PTPRD: variants seen among roughly 807,000 people sequenced by gnomAD.
PTPRD encodes the protein protein tyrosine phosphatase receptor type D.
Under a neutral mutation model 214.5 loss-of-function variants are expected in PTPRD, and 34 were observed. The observed-to-expected ratio is 0.16, with a 90% CI of 0.12 to 0.21. The LOEUF (loss-of-function observed/expected upper bound fraction) is 0.21. PTPRD is among the 10% of genes least tolerant of loss of function. PTPRD has a pLI of 1.00. For synonymous variants in PTPRD, 1,128 were observed against 845.7 expected, an observed-to-expected ratio of 1.33 and a Z score of -5.79; for missense variants, 2,545 against 2,398.7, an observed-to-expected ratio of 1.06 and a Z score of -1.27.
chr9:8,861,532 G>T (rs1251586741), intron 11 of PTPRD: 2 of 152,080 alleles, frequency 1.3e-5, no homozygotes, highest in Admixed American at 1.3e-4. Flanking sequence ...TGCCTTGCTA[G>T]TTAAGTATTA....
At chr9:9,844,872 A>C (rs1288519155) in intron 5 of PTPRD, among the ~76,000 whole-genome samples, 2 of 151,558 alleles carry the variant, frequency 1.3e-5, no homozygotes, top group African/African-American at 4.8e-5. Context: ...ACTGAAAAAC[A>C]AATAAATAAA....
intron 3 of PTPRD, among the ~76,000 whole-genome samples, chr9:10,075,301 C>T (rs1484055893): frequency 1.3e-5 from 2 of 151,920 alleles, no homozygotes; most frequent in Non-Finnish European, 2.9e-5. Flanking sequence ...TATTTGACAT[C>T]TACTTTTTTC....
intron 9 of PTPRD, among the ~76,000 whole-genome samples, chr9:9,251,470 C>T (rs2099975456): frequency 6.6e-6 from 1 of 152,008 alleles, no homozygotes; most frequent in Non-Finnish European, 1.5e-5. Context: ...TCCTTCTCTT[C>T]CTTCTTTATT....
intron 11 of PTPRD, among the ~76,000 whole-genome samples, chr9:8,933,340 G>GTTTTCTTTTTTTTTTTTTTTTTTTTT (rs2098966631): frequency 1.2e-5 from 1 of 80,430 alleles, no homozygotes; most frequent in Non-Finnish European, 2.3e-5. Context: ...CAACCTTGAG[G>GTTTTCTTTTTTTTTTTTTTTTTTTTT]TTTTTTTTTT....
Position 8,345,161 on chromosome 9 carries a change from T to C in PTPRD, c.4662-3183A>G, listed in dbSNP as rs1240377037. On this transcript the variant is annotated intron_variant, in intron 39 of 45. Transcript: ENST00000381196. The stretch of plus-strand genomic sequence containing the variant: ...GAGGAGCTTTCTGCGTTCACATTTA[T>C]CATCGTGGCAAATGAGATGGCAGGC... 3.3e-5 allele frequency among the ~76,000 whole-genome samples: 5 copies of C among 152,066 alleles called. No individual in the cohort carries two copies. In the South Asian group the frequency reaches 6.2e-4, roughly 19 times the overall value.
chr9:8,644,700 C>CCATG (rs2154338389), intron 12 of PTPRD, among the ~76,000 whole-genome samples: 1 of 152,324 alleles, frequency 6.6e-6, no homozygotes, highest in South Asian at 2.1e-4. Context: ...CCAACCGCTG[C>CCATG]CTCACGGAGA....
intron 9 of PTPRD, among the ~76,000 whole-genome samples, chr9:9,318,170 CA>C (rs1363774241): frequency 8.3e-6 from 1 of 120,214 alleles, no homozygotes; most frequent in Non-Finnish European, 1.7e-5. Flanking sequence ...AAAACTCCAT[CA>C]AAAAAAGAAA....
In PTPRD at chr9:8,340,393, G is replaced by C. The variant is rs2132354312; in HGVS notation, c.5203C>G (p.His1735Asp). ...TEDFWRMLWE[H>D]NSTIVVMLTK... ...AGCATCACAACTATGGTGGAATTGT[G>C]TTCCCAGAGCATCCGCCAGAAGTCT... The change falls in exon 42 of 46, where the codon CAC becomes GAC. Residue 1735 changes from histidine to aspartate, a missense_variant. His to Asp is a moderately conservative substitution (Grantham distance 81, BLOSUM62 -1). Coordinates refer to ENST00000381196, the MANE Select transcript of PTPRD (RefSeq NM_002839.4). 1 of 1,611,060 alleles carries C rather than the reference G, an allele frequency of 6.2e-7. No individual in the cohort carries two copies. The highest frequency in any genetic ancestry group is 8.5e-7 in the Non-Finnish European group (1 of 1,177,912).
chr9:9,287,313 G>C (rs1269999576), intron 9 of PTPRD, among the ~76,000 whole-genome samples: 1 of 151,782 alleles, frequency 6.6e-6, no homozygotes, highest in Non-Finnish European at 1.5e-5. Context: ...CAGTTGCCAT[G>C]TGTCTAACTA....
chr9:9,215,424 G>A (rs1037692620), intron 9 of PTPRD, among the ~76,000 whole-genome samples: 1 of 152,098 alleles, frequency 6.6e-6, no homozygotes, highest in African/African-American at 2.4e-5. Flanking sequence ...ACACAGAATT[G>A]CTATAAAAAT....
intron 9 of PTPRD, among the ~76,000 whole-genome samples, chr9:9,337,101 C>T (rs1197927986): frequency 1.3e-5 from 2 of 152,092 alleles, no homozygotes; most frequent in African/African-American, 4.8e-5. Flanking sequence ...TGTACTTTCC[C>T]AACATTTCTT....
At chr9:9,289,148 T>C (rs1950384806) in intron 9 of PTPRD, among the ~76,000 whole-genome samples, 1 of 151,820 alleles carries the variant, frequency 6.6e-6, no homozygotes. Flanking sequence ...AGAACACAAA[T>C]ACAAATGAAA....
At chr9:10,334,572 C>A (rs954961709) in intron 3 of PTPRD, among the ~76,000 whole-genome samples, 1 of 151,382 alleles carries the variant, frequency 6.6e-6, no homozygotes, top group Admixed American at 6.6e-5. Context: ...GATAATATTA[C>A]GAGAAAAGGA....
At chr9:8,799,116 T>C (rs1486445434) in intron 11 of PTPRD, among the ~76,000 whole-genome samples, 3 of 152,354 alleles carry the variant, frequency 2.0e-5, no homozygotes, top group East Asian at 1.9e-4. Flanking sequence ...ATACTCTTTA[T>C]CTACATGTCA....
intron 3 of PTPRD, among the ~76,000 whole-genome samples, chr9:10,290,419 A>G (rs1257502193): frequency 6.6e-6 from 1 of 152,132 alleles, no homozygotes. Context: ...CTGAAGAAAA[A>G]GAATGTCAGA....
intron 9 of PTPRD, among the ~76,000 whole-genome samples, chr9:9,393,830 T>G (rs1373561876): frequency 6.6e-6 from 1 of 152,164 alleles, no homozygotes; most frequent in Non-Finnish European, 1.5e-5. Context: ...CTATAGTAAG[T>G]GCTTAATAAG....
chr9:8,434,909 A>G (rs1483423359), intron 35 of PTPRD, among the ~76,000 whole-genome samples: 1 of 152,226 alleles, frequency 6.6e-6, no homozygotes, highest in African/African-American at 2.4e-5. Context: ...GATCAAGAGG[A>G]AGAGCAGGAA....
At chr9:8,322,611 G>A (rs960178787) in intron 44 of PTPRD, among the ~76,000 whole-genome samples, 7 of 152,178 alleles carry the variant, frequency 4.6e-5, no homozygotes, top group Admixed American at 4.6e-4. Flanking sequence ...TGGCTTATGA[G>A]GTTTAAGGAA....
intron 3 of PTPRD, among the ~76,000 whole-genome samples, chr9:10,096,794 T>G (rs2098492228): frequency 6.6e-6 from 1 of 152,048 alleles, no homozygotes; most frequent in African/African-American, 2.4e-5. Context: ...TTTTGGTGTT[T>G]TAGACATGAA....
Sources: gnomAD v4.1 joint callset for allele counts (sites outside exome capture counted in the v4.1 genomes callset) on GRCh38, gnomAD v4.1.1 for gene constraint, MANE v1.5 for transcripts, NCBI Gene and HGNC (gene_info 2026-07-23, HGNC 2026-07-21) for gene names.